MYO19: variants seen among roughly 807,000 people sequenced by gnomAD.
MYO19 encodes unconventional myosin-XIX.
Under a neutral mutation model 129.2 loss-of-function variants are expected in MYO19, and 132 were observed. The observed-to-expected ratio is 1.02, with a 90% CI of 0.89 to 1.18. The LOEUF (loss-of-function observed/expected upper bound fraction) is 1.18. Ranked by LOEUF, MYO19 falls within the 50% of genes most tolerant of loss-of-function variation. MYO19 has a pLI of 0.00. For synonymous variants in MYO19, 531 were observed against 477.2 expected (o/e 1.11, Z -1.47); for missense variants, 1,210 against 1,216.7 (o/e 0.99, Z 0.08).
chr17:36,533,717 C>G (rs552769390), intron 2 of MYO19: 1 of 152,322 alleles, frequency 6.6e-6, no homozygotes, highest in Non-Finnish European at 1.5e-5. Flanking sequence ...TGACTGTACC[C>G]CATCCAAGGG....
At chr17:36,529,178 G>A (rs2073676247) in intron 3 of MYO19, among the ~76,000 whole-genome samples, 1 of 151,400 alleles carries the variant, frequency 6.6e-6, no homozygotes, top group African/African-American at 2.4e-5. Flanking sequence ...TCTTTTTTAA[G>A]AGATGGAGTC....
At chr17:36,539,702 G>C (rs1168295804), upstream of MYO19, among the ~76,000 whole-genome samples, 1 of 152,126 alleles carries the variant, frequency 6.6e-6, no homozygotes, top group African/African-American at 2.4e-5. Context: ...TCATCTTTTA[G>C]CCTACCCTAT....
At chr17:36,515,019 GC>G (rs1377263932) in intron 8 of MYO19, 93 bp downstream of exon 8, 11 of 1,126,010 alleles carry the variant, frequency 9.8e-6, no homozygotes, top group South Asian at 3.1e-5. Flanking sequence ...CAGGGTTTTT[GC>G]CCATAGGGGT....
At chr17:36,506,921 C>G in intron 17 of MYO19, 42 bp downstream of exon 17, 1 of 1,505,680 alleles carries the variant, frequency 6.6e-7, no homozygotes, top group South Asian at 1.3e-5. Context: ...GACCCAGCAT[C>G]TCGTTTCTCG....
chr17:36,537,420 C>T (rs2074157380), upstream of MYO19: 14 of 1,614,174 alleles, frequency 8.7e-6, no homozygotes, highest in Non-Finnish European at 1.2e-5. Context: ...CTATGCCAGA[C>T]TGCCTTTCCT....
intron 23 of MYO19, 136 bp from the exon 24 acceptor site, chr17:36,499,296 T>C: frequency 1.7e-6 from 1 of 579,758 alleles, no homozygotes; most frequent in African/African-American, 1.9e-5. Context: ...TTGCTACAAA[T>C]AAGGTTCTAA....
Position 36,507,065 on chromosome 17 carries a change from G to C in MYO19, c.1542C>G (p.Pro514=). Residue 514 remains proline (P), a synonymous_variant, in exon 17 of 26, where the codon CCC becomes CCG. Transcript: ENST00000614623. ...GGCTGAGCTTATTGTGGCCCAGGCAGGGGCTGCCTGCCAGGGCAGTCTCAA... is the reference window on the plus strand; with the variant it reads ...GGCTGAGCTTATTGTGGCCCAGGCACGGGCTGCCTGCCAGGGCAGTCTCAA... ...TRIETALAGS[P]CLGHNKLSRE... 1 of 1,613,684 alleles carries C rather than the reference G, an allele frequency of 6.2e-7. No individual in the cohort carries two copies.
chr17:36,507,636 T>C, intron 15 of MYO19, 124 bp from the exon 16 acceptor site: 2 of 1,319,844 alleles, frequency 1.5e-6, no homozygotes, highest in Non-Finnish European at 2.1e-6. Flanking sequence ...CAAAAGTATA[T>C]CAAAACATTA....
chr17:36,517,088 C>T (rs1045488425), intron 6 of MYO19, among the ~76,000 whole-genome samples: 10 of 152,212 alleles, frequency 6.6e-5, no homozygotes, highest in African/African-American at 2.4e-4. Flanking sequence ...GTTTGCGTTT[C>T]TCAAAATATT....
intron 3 of MYO19, among the ~76,000 whole-genome samples, chr17:36,529,609 G>A (rs1044256101): frequency 2.0e-5 from 3 of 152,054 alleles, no homozygotes; most frequent in African/African-American, 4.8e-5. Context: ...CTGAACTTTG[G>A]GCCCACTATA....
At chr17:36,542,448 C>T (rs1026247226) in intron 1 of MYO19, among the ~76,000 whole-genome samples, 4 of 152,082 alleles carry the variant, frequency 2.6e-5, no homozygotes, top group African/African-American at 9.7e-5. Context: ...GCCTGTAATC[C>T]CAGCACTTTG....
intron 5 of MYO19, among the ~76,000 whole-genome samples, chr17:36,525,935 G>A (rs1346974421): frequency 6.6e-6 from 1 of 152,238 alleles, no homozygotes; most frequent in Non-Finnish European, 1.5e-5. Flanking sequence ...AGGGCAGACA[G>A]CAGACAGGGC....
At position 36,496,296 on chromosome 17, in the gene MYO19, G is replaced by A. The variant is rs371280771; in HGVS notation, c.2868C>T (p.His956=). The change falls in exon 26 of 26, where the codon CAC becomes CAT. Residue 956 remains histidine, a synonymous_variant. Coordinates refer to ENST00000614623, the MANE Select transcript of MYO19 (RefSeq NM_001163735.2). ...CAGAAGAGGTCACGTGGATCAGCCT[G>A]TGTCTTTCCAGCAGAATCTGATTAA... ...TGFNQILLER[H]RLIHVTSSAF... 1.2e-6 allele frequency: 2 copies of A among 1,614,066 alleles called. No homozygotes were observed. Among genetic ancestry groups the A allele is most frequent in the Non-Finnish European group, 1.7e-6 (2 of 1,179,904 alleles).
Position 36,509,105 on chromosome 17 carries a change from G to C in MYO19, c.1188C>G (p.Asn396Lys). ...RLFDWLVSVI[N>K]SSICADTDSW... The stretch of plus-strand genomic sequence containing the variant: ...AGTCGGTGTCTGCACAGATGCTGCT[G>C]TTGATCACTGATACCAGCCAGTCAA... Residue 396 changes from asparagine (N) to lysine (K), a missense_variant, in exon 14 of 26, where the codon AAC (asparagine) becomes AAG (lysine). By Grantham distance (94) the Asn-to-Lys change is moderately conservative (BLOSUM62 0). Coordinates refer to ENST00000614623, the MANE Select transcript of MYO19 (RefSeq NM_001163735.2). 6.2e-7 allele frequency: 1 copy of C among 1,613,866 alleles called. No homozygotes were observed. The highest frequency in any genetic ancestry group is 8.5e-7 in the Non-Finnish European group (1 of 1,179,846).
rs771024010 is a variant in MYO19 at position 36,510,754 on chromosome 17, G to C, written c.1149C>G (p.Ile383Met). Reference sequence around the variant, plus strand: ...CCAGAGTAACTGCTCACCGCGCATAGATCAGTTTGGCCAGGCAGTCTCTAC... The same window carrying C: ...CCAGAGTAACTGCTCACCGCGCATACATCAGTTTGGCCAGGCAGTCTCTAC... ...DTRRDCLAKL[I>M]YARLFDWLVS... Residue 383 changes from isoleucine (I) to methionine (M), a missense_variant, in exon 13 of 26, where the codon ATC (isoleucine) becomes ATG (methionine). Transcript: ENST00000614623. 17 of 1,606,174 alleles carry C rather than the reference G, an allele frequency of 1.1e-5. No homozygotes were observed. The highest frequency in any genetic ancestry group is 1.3e-5 in the African/African-American group (1 of 74,790).
At chr17:36,522,412 G>A (rs2073189683) in intron 6 of MYO19, among the ~76,000 whole-genome samples, 1 of 151,898 alleles carries the variant, frequency 6.6e-6, no homozygotes, top group Non-Finnish European at 1.5e-5. Flanking sequence ...GGAGGAGGCT[G>A]AGGCAGAGAA....
chr17:36,532,411 C>G, intron 3 of MYO19, 116 bp downstream of exon 3: 1 of 1,248,160 alleles, frequency 8.0e-7, no homozygotes, highest in Non-Finnish European at 1.1e-6. Flanking sequence ...ACTGGAGAGA[C>G]AATTTGAGGA....
At chr17:36,500,634 T>C in intron 23 of MYO19, 196 bp downstream of exon 23, 3 of 682,948 alleles carry the variant, frequency 4.4e-6, no homozygotes, top group Non-Finnish European at 7.0e-6. Flanking sequence ...GTTTGTGGAG[T>C]GACTTGGTTT....
At position 36,496,543 on chromosome 17, in the gene MYO19, T is replaced by G. The variant is rs545031990; in HGVS notation, c.2758-137A>C. ...ATTGGGGGCCACAGCAGGATTAAAA[T>G]AGCATTACATCCACTCAGTGTGAGA... On this transcript the variant is annotated intron_variant, in intron 25 of 25. Transcript: ENST00000614623. 8.1e-5 allele frequency: 61 copies of G among 755,166 alleles called. No individual in the cohort carries two copies. The African/African-American group carries it at 1.0e-3, about 13-fold the overall frequency. 46.8% of individuals were successfully genotyped at this position (755,166 alleles called of 1,614,324 possible).
Sources: allele counts gnomAD v4.1 joint callset (sites outside exome capture counted in the v4.1 genomes callset), GRCh38; gene constraint gnomAD v4.1.1; transcripts MANE v1.5; gene names NCBI Gene and HGNC (gene_info 2026-07-23, HGNC 2026-07-21).